ZNF385D: variants seen among roughly 807,000 people sequenced by gnomAD.
ZNF385D encodes zinc finger protein 659.
Under a neutral mutation model 35.8 loss-of-function variants are expected in ZNF385D, and 15 were observed. That is an observed-to-expected ratio of 0.42 (90% confidence interval 0.28 to 0.64). The LOEUF (loss-of-function observed/expected upper bound fraction) is 0.64, where lower values mean the gene tolerates loss of function less well. ZNF385D is among the 30% of genes least tolerant of loss of function. ZNF385D has a pLI of 0.23. For missense variants in ZNF385D, 474 were observed against 494.6 expected, an observed-to-expected ratio of 0.96 and a Z score of 0.39; for synonymous variants, 212 against 186.8, an observed-to-expected ratio of 1.13 and a Z score of -1.10.
intron 3 of ZNF385D, chr3:22,168,665 A>T (rs1706491772): frequency 3.2e-6 from 1 of 313,436 alleles, no homozygotes; most frequent in African/African-American, 2.3e-5. Flanking sequence ...AAGAGAAATG[A>T]TGTATTTTAA....
At chr3:21,760,757 A>T (rs2070568996) in intron 3 of ZNF385D, among the ~76,000 whole-genome samples, 1 of 152,236 alleles carries the variant, frequency 6.6e-6, no homozygotes, top group African/African-American at 2.4e-5. Context: ...ACTAGAAAGC[A>T]GCTTAGCAAA....
chr3:22,311,549 A>G (rs927251597), intron 2 of ZNF385D, among the ~76,000 whole-genome samples: 1 of 152,156 alleles, frequency 6.6e-6, no homozygotes, highest in African/African-American at 2.4e-5. Flanking sequence ...AAATCCAGGC[A>G]AAGACAAAGA....
chr3:22,156,787 C>G lies in ZNF385D; in HGVS notation c.325+12030G>C, dbSNP rs146450033. Among the ~76,000 whole-genome samples, 954 of 152,114 alleles carry G rather than the reference C, an allele frequency of 6.3e-3. 12 individuals are homozygous for G. Among genetic ancestry groups the G allele is most frequent in the African/African-American group, 0.021 (890 of 41,498 alleles). On this transcript the variant is annotated intron_variant, in intron 3 of 5. Transcript: ENST00000494108. ...TCCCATTTAAAGGACCGAACGCATA[C>G]CAGGGAATCTGAATTTTCATGAAGT...
At chr3:22,013,959 A>G (rs111680930) in intron 3 of ZNF385D, among the ~76,000 whole-genome samples, 4 of 152,294 alleles carry the variant, frequency 2.6e-5, no homozygotes, top group South Asian at 2.1e-4. Context: ...GTCAAAGCAT[A>G]TATTAACAAA....
intron 3 of ZNF385D, among the ~76,000 whole-genome samples, chr3:21,925,246 T>C (rs1284431022): frequency 1.3e-5 from 2 of 152,124 alleles, no homozygotes; most frequent in Non-Finnish European, 2.9e-5. Flanking sequence ...ATTTCAAGAC[T>C]TTCTATATAG....
intron 3 of ZNF385D, among the ~76,000 whole-genome samples, chr3:21,846,789 A>C (rs1204711415): frequency 2.6e-5 from 4 of 152,006 alleles, no homozygotes; most frequent in Non-Finnish European, 5.9e-5. Flanking sequence ...GCCCAGGAGA[A>C]GCACCTCTAA....
chr3:21,615,346 C>T (rs1261828202), intron 2 of ZNF385D, among the ~76,000 whole-genome samples: 1 of 134,690 alleles, frequency 7.4e-6, no homozygotes, highest in African/African-American at 2.5e-5. Context: ...ATGCTGGTGC[C>T]ATGCTTTGTG....
At chr3:21,553,739 A>G (rs1203594600) in intron 3 of ZNF385D, among the ~76,000 whole-genome samples, 1 of 152,142 alleles carries the variant, frequency 6.6e-6, no homozygotes, top group African/African-American at 2.4e-5. Flanking sequence ...AGGTTTATAT[A>G]ATACTCTAAA....
intron 1 of ZNF385D, among the ~76,000 whole-genome samples, chr3:21,713,841 A>G (rs1461046504): frequency 2.0e-5 from 3 of 152,108 alleles, no homozygotes; most frequent in Non-Finnish European, 4.4e-5. Flanking sequence ...CAAACATCCT[A>G]TTCTTCAAAC....
intron 3 of ZNF385D, among the ~76,000 whole-genome samples, chr3:21,520,389 T>C (rs1279539568): frequency 6.6e-6 from 1 of 152,246 alleles, no homozygotes; most frequent in South Asian, 2.1e-4. Flanking sequence ...AAATTCATGT[T>C]GAATTAATTT....
At chr3:22,173,198 C>A (rs1694584843) in intron 2 of ZNF385D, among the ~76,000 whole-genome samples, 1 of 152,108 alleles carries the variant, frequency 6.6e-6, no homozygotes, top group Admixed American at 6.6e-5. Context: ...ATTGTTACAG[C>A]CCAGTGGAGC....
intron 4 of ZNF385D, among the ~76,000 whole-genome samples, chr3:21,456,210 A>G (rs1235651516): frequency 2.0e-5 from 3 of 152,172 alleles, no homozygotes; most frequent in African/African-American, 7.2e-5. Flanking sequence ...TAGAAATACC[A>G]TTTGACCCAG....
At chr3:22,232,128 C>T (rs541160391) in intron 2 of ZNF385D, among the ~76,000 whole-genome samples, 1 of 152,236 alleles carries the variant, frequency 6.6e-6, no homozygotes, top group East Asian at 1.9e-4. Context: ...AGAATGGATA[C>T]TCTGGCATGC....
intron 3 of ZNF385D, among the ~76,000 whole-genome samples, chr3:22,067,792 G>C (rs1486435336): frequency 6.6e-6 from 1 of 152,170 alleles, no homozygotes; most frequent in African/African-American, 2.4e-5. Context: ...GGGAAACTGA[G>C]GTGGGCGGAT....
chr3:22,279,471 GTATA>G (rs150215075), intron 2 of ZNF385D, among the ~76,000 whole-genome samples: 10 of 133,470 alleles, frequency 7.5e-5, no homozygotes, highest in African/African-American at 2.8e-4. Context: ...GTATTCCACA[GTATA>G]TATATATATA....
chr3:22,190,483 G>T (rs557675210), intron 2 of ZNF385D, among the ~76,000 whole-genome samples: 10 of 152,142 alleles, frequency 6.6e-5, no homozygotes, highest in Admixed American at 5.9e-4. Flanking sequence ...CCAAATATAT[G>T]TGTCAAGGAA....
intron 3 of ZNF385D, among the ~76,000 whole-genome samples, chr3:22,144,040 T>C (rs1704689580): frequency 1.3e-5 from 2 of 151,860 alleles, no homozygotes; most frequent in Admixed American, 6.6e-5. Flanking sequence ...AAAGACTGAC[T>C]GAAGAGTGAA....
chr3:21,837,722 A>T (rs12629137), intron 3 of ZNF385D, among the ~76,000 whole-genome samples: 1 of 151,760 alleles, frequency 6.6e-6, no homozygotes, highest in Non-Finnish European at 1.5e-5. Context: ...AAATATAAAA[A>T]TTAGCTGGGT....
chr3:21,757,181 G>T (rs769389952), intron 3 of ZNF385D, among the ~76,000 whole-genome samples: 1 of 133,108 alleles, frequency 7.5e-6, no homozygotes, highest in Non-Finnish European at 1.5e-5. Flanking sequence ...CCAGGCCCCA[G>T]GCTGGAGTGG....
Sources: gnomAD v4.1 joint callset for allele counts (sites outside exome capture counted in the v4.1 genomes callset) on GRCh38, gnomAD v4.1.1 for gene constraint, MANE v1.5 for transcripts, NCBI Gene and HGNC (gene_info 2026-07-23, HGNC 2026-07-21) for gene names.